The following CSMD3 variants were observed in gnomAD, a reference collection of about 807,000 sequenced individuals.
The protein encoded by CSMD3 is CUB and sushi domain-containing protein 3.
Under a neutral mutation model 435.2 loss-of-function variants are expected in CSMD3, and 177 were observed. The observed-to-expected ratio is 0.41, with a 90% CI of 0.36 to 0.46. The LOEUF (loss-of-function observed/expected upper bound fraction) is 0.46. Among genes scored for constraint, CSMD3 ranks in the 20% least tolerant of loss-of-function variants. The pLI, the probability that CSMD3 is intolerant of heterozygous loss-of-function variation, is 0.34. For missense variants in CSMD3, 4,265 were observed against 4,504.6 expected (o/e 0.95, Z 1.52); for synonymous variants, 1,656 against 1,520.5 (o/e 1.09, Z -2.07).
At chr8:112,570,168 T>C (rs757974043) in intron 24 of CSMD3, among the ~76,000 whole-genome samples, 1 of 152,044 alleles carries the variant, frequency 6.6e-6, no homozygotes, top group Non-Finnish European at 1.5e-5. Flanking sequence ...TTTGTGAATA[T>C]TTAAAATATG....
chr8:112,385,853 A>G (rs1829896411), intron 36 of CSMD3, among the ~76,000 whole-genome samples: 1 of 152,182 alleles, frequency 6.6e-6, no homozygotes, highest in South Asian at 2.1e-4. Flanking sequence ...AAGTCAGTTT[A>G]CTTCTGGATA....
intron 13 of CSMD3, among the ~76,000 whole-genome samples, chr8:112,766,828 T>A (rs1340957509): frequency 6.6e-6 from 1 of 151,834 alleles, no homozygotes; most frequent in Non-Finnish European, 1.5e-5. Context: ...CACAGCAAAC[T>A]GTGATCATTA....
At position 112,820,671 on chromosome 8, in the gene CSMD3, G is replaced by A. The variant is rs1453007473; in HGVS notation, c.1859+9015C>T. ...TTTTTTTTTTTTTAACTTGAAGTTC[G>A]GGATACAAGTGCAGAACTTGTAGGT... On this transcript the variant is annotated intron_variant, in intron 12 of 70. Coordinates refer to ENST00000297405, the MANE Select transcript of CSMD3 (RefSeq NM_198123.2). Among the ~76,000 whole-genome samples the A allele has an allele frequency of 9.3e-5, 14 of 150,322 alleles. No individual in the cohort carries two copies. In the South Asian group the frequency reaches 2.1e-3, roughly 23 times the overall value.
chr8:113,117,115 A>C (rs540931412), intron 4 of CSMD3, among the ~76,000 whole-genome samples: 2 of 152,354 alleles, frequency 1.3e-5, no homozygotes, highest in Middle Eastern at 6.8e-3. Flanking sequence ...ATCACCAAAA[A>C]ATGGCAAAAA....
intron 9 of CSMD3, among the ~76,000 whole-genome samples, chr8:112,933,807 A>G (rs74947897): frequency 0.034 from 5,133 of 152,190 alleles, 149 homozygotes; most frequent in Middle Eastern, 0.051. Context: ...GGGTAAAGAC[A>G]GTTTTGCCGT....
chr8:113,400,032 G>A (rs867598663), intron 1 of CSMD3, among the ~76,000 whole-genome samples: 8 of 151,794 alleles, frequency 5.3e-5, no homozygotes, highest in African/African-American at 1.9e-4. Context: ...AAAGGCAATG[G>A]TGACAGAGTC....
At chr8:112,970,119 C>T (rs946903629) in intron 7 of CSMD3, among the ~76,000 whole-genome samples, 2 of 151,688 alleles carry the variant, frequency 1.3e-5, no homozygotes, top group East Asian at 1.9e-4. Flanking sequence ...TTTGTAAGTT[C>T]CCACCTAATT....
intron 20 of CSMD3, 65 bp from the exon 21 acceptor site, chr8:112,638,976 AAACT>A (rs1309358219): frequency 4.5e-6 from 5 of 1,105,070 alleles, no homozygotes; most frequent in Admixed American, 3.6e-5. Flanking sequence ...AGTTACTGTC[AAACT>A]AACTATTAGC....
intron 27 of CSMD3, among the ~76,000 whole-genome samples, chr8:112,530,620 ATGCCTTAGGAG>A (rs1211832111): frequency 6.6e-6 from 1 of 152,212 alleles, no homozygotes; most frequent in African/African-American, 2.4e-5. Flanking sequence ...ACCATTAGAC[ATGCCTTAGGAG>A]AAATGCCAAG....
At chr8:113,072,828 TC>T (rs77866967) in intron 5 of CSMD3, among the ~76,000 whole-genome samples, 101,743 of 151,390 alleles carry the variant, frequency 0.67, 35,793 homozygotes, top group East Asian at 0.95. Flanking sequence ...ATTCTGTTGG[TC>T]TTTAACCTGG....
chr8:112,539,465 T>C (rs1368587370), intron 27 of CSMD3: 2 of 152,046 alleles, frequency 1.3e-5, no homozygotes, highest in African/African-American at 4.8e-5. Context: ...TAAAGCAATT[T>C]GGGAGCAAAA....
At chr8:112,877,967 A>C (rs1030116404) in intron 10 of CSMD3, among the ~76,000 whole-genome samples, 3 of 152,198 alleles carry the variant, frequency 2.0e-5, no homozygotes, top group African/African-American at 7.2e-5. Context: ...TAAAAACCCT[A>C]GATGAAAACC....
At chr8:112,603,886 T>C (rs1832581297) in intron 22 of CSMD3, among the ~76,000 whole-genome samples, 1 of 152,128 alleles carries the variant, frequency 6.6e-6, no homozygotes, top group Non-Finnish European at 1.5e-5. Flanking sequence ...ATTAGGTAAG[T>C]TAAGGCACTG....
chr8:113,121,210 T>C (rs1327624584), intron 4 of CSMD3, among the ~76,000 whole-genome samples: 1 of 152,066 alleles, frequency 6.6e-6, no homozygotes, highest in African/African-American at 2.4e-5. Context: ...AGGAAACCTC[T>C]ACTAAAAACC....
At chr8:112,423,098 T>G (rs1330245653) in intron 32 of CSMD3, among the ~76,000 whole-genome samples, 1 of 152,228 alleles carries the variant, frequency 6.6e-6, no homozygotes, top group Non-Finnish European at 1.5e-5. Context: ...AATGGTCTTA[T>G]GTATTGTTTC....
intron 13 of CSMD3, among the ~76,000 whole-genome samples, chr8:112,707,891 A>G (rs901270640): frequency 6.6e-6 from 1 of 152,158 alleles, no homozygotes; most frequent in African/African-American, 2.4e-5. Context: ...AATAAATTTC[A>G]AAAGTCAGAT....
chr8:113,050,952 G>A (rs1483163276), intron 5 of CSMD3, among the ~76,000 whole-genome samples: 2 of 152,034 alleles, frequency 1.3e-5, no homozygotes, highest in African/African-American at 4.8e-5. Context: ...GAAGTTTCCA[G>A]ATCTAGCAAC....
chr8:112,494,493 TCC>T (rs1491211829), intron 30 of CSMD3, among the ~76,000 whole-genome samples: 15 of 101,720 alleles, frequency 1.5e-4, no homozygotes, highest in African/African-American at 4.7e-4. Context: ...TTTCTTTCTC[TCC>T]TTTCTTTCTT....
intron 32 of CSMD3, among the ~76,000 whole-genome samples, chr8:112,462,351 C>A (rs1217817950): frequency 1.3e-5 from 2 of 152,190 alleles, no homozygotes. Flanking sequence ...AATGTCATAA[C>A]CACTGTTTAA....
Sources: allele counts gnomAD v4.1 joint callset (sites outside exome capture counted in the v4.1 genomes callset), GRCh38; gene constraint gnomAD v4.1.1; transcripts MANE v1.5; gene names NCBI Gene and HGNC (gene_info 2026-07-23, HGNC 2026-07-21).